FOXO3: variants seen among roughly 807,000 people sequenced by gnomAD.
FOXO3 encodes the protein forkhead box O3.
FOXO3 carries 4 observed loss-of-function variants against 41.9 expected under a neutral mutation model. The observed-to-expected ratio is 0.10, with a 90% CI of 0.05 to 0.22. FOXO3 has a LOEUF of 0.22. Ranked by LOEUF, FOXO3 falls within the 10% of genes least tolerant of loss-of-function variation. The pLI is 1.00. For missense variants in FOXO3, 534 were observed against 906.8 expected, an observed-to-expected ratio of 0.59 and a Z score of 5.28; for synonymous variants, 318 against 389.3, an observed-to-expected ratio of 0.82 and a Z score of 2.16.
At chr6:108,679,570 C>T (rs1770766698) in intron 2 of FOXO3, among the ~76,000 whole-genome samples, 1 of 152,116 alleles carries the variant, frequency 6.6e-6, no homozygotes, top group East Asian at 1.9e-4. Flanking sequence ...AGTGAATGAT[C>T]CCATTCCCTT....
intron 1 of FOXO3, among the ~76,000 whole-genome samples, chr6:108,575,415 G>A (rs574416568): frequency 5.4e-5 from 8 of 149,312 alleles, no homozygotes; most frequent in South Asian, 2.1e-4. Context: ...AAACCTCGAT[G>A]TAAATTATTT....
intron 1 of FOXO3, among the ~76,000 whole-genome samples, chr6:108,643,102 T>C (rs1409410505): frequency 2.0e-5 from 3 of 152,380 alleles, no homozygotes; most frequent in South Asian, 2.1e-4. Context: ...GACTAAATCA[T>C]AAAATGTAAA....
At chr6:108,582,742 T>C (rs1776467046) in intron 1 of FOXO3, among the ~76,000 whole-genome samples, 1 of 152,086 alleles carries the variant, frequency 6.6e-6, no homozygotes, top group Non-Finnish European at 1.5e-5. Context: ...GAAAGCTGAC[T>C]CTGACCCAGG....
chr6:108,669,638 G>C (rs187387188), intron 2 of FOXO3, among the ~76,000 whole-genome samples: 2 of 152,148 alleles, frequency 1.3e-5, no homozygotes. Context: ...GAGAATGTTG[G>C]GATCTTTTTA....
chr6:108,671,479 T>C (rs904646332), intron 2 of FOXO3, among the ~76,000 whole-genome samples: 3 of 152,232 alleles, frequency 2.0e-5, no homozygotes, highest in Admixed American at 2.0e-4. Flanking sequence ...TTTTCATGGC[T>C]GTGTGTCCTG....
chr6:108,593,781 A>ATC (rs1776798482), intron 1 of FOXO3, among the ~76,000 whole-genome samples: 1 of 134,888 alleles, frequency 7.4e-6, no homozygotes, highest in Admixed American at 8.2e-5. Context: ...CAGTGGCTCA[A>ATC]TCTTGGCTCA....
chr6:108,605,730 C>G (rs980849499), intron 1 of FOXO3, among the ~76,000 whole-genome samples: 33 of 152,170 alleles, frequency 2.2e-4, no homozygotes, highest in African/African-American at 7.7e-4. Flanking sequence ...CAAGATGTTT[C>G]TTGTTTTGAT....
chr6:108,675,332 G>A (rs960128583), intron 2 of FOXO3, among the ~76,000 whole-genome samples: 23 of 152,252 alleles, frequency 1.5e-4, no homozygotes, highest in African/African-American at 5.5e-4. Context: ...TGGCTGGAAG[G>A]GCAGTCCACT....
intron 1 of FOXO3, among the ~76,000 whole-genome samples, chr6:108,585,677 T>C (rs1776561797): frequency 6.6e-6 from 1 of 152,214 alleles, no homozygotes; most frequent in Admixed American, 6.5e-5. Context: ...AATGTAGAGA[T>C]GCCTTTTACC....
chr6:108,643,417 G>A (rs974659827), intron 1 of FOXO3, among the ~76,000 whole-genome samples: 6 of 152,200 alleles, frequency 3.9e-5, no homozygotes, highest in Admixed American at 2.0e-4. Context: ...TTGAGGTCAC[G>A]TCAGAGAGGA....
intron 1 of FOXO3, chr6:108,639,714 A>G: frequency 4.1e-6 from 1 of 243,766 alleles, no homozygotes. Context: ...TTTTCTATTT[A>G]ATTTCAATAA....
chr6:108,560,133 C>G (rs1217865105), upstream of FOXO3: 1 of 152,452 alleles, frequency 6.6e-6, no homozygotes, highest in Admixed American at 6.5e-5. Flanking sequence ...CGCCCCCCTT[C>G]TCGCCCGCTA....
intron 1 of FOXO3, among the ~76,000 whole-genome samples, chr6:108,629,001 C>T (rs914301376): frequency 6.6e-6 from 1 of 152,154 alleles, no homozygotes; most frequent in Non-Finnish European, 1.5e-5. Flanking sequence ...CTAGGGAAAC[C>T]TCCTTAGGAG....
chr6:108,591,636 G>A (rs1776734847), intron 1 of FOXO3, among the ~76,000 whole-genome samples: 1 of 152,180 alleles, frequency 6.6e-6, no homozygotes, highest in African/African-American at 2.4e-5. Context: ...TCAGCAGCTT[G>A]AAATAACATC....
intron 1 of FOXO3, among the ~76,000 whole-genome samples, chr6:108,590,487 A>G (rs1776705489): frequency 6.6e-6 from 1 of 152,256 alleles, no homozygotes; most frequent in South Asian, 2.1e-4. Context: ...AAATGAAATT[A>G]TCTTCAGGCT....
intron 1 of FOXO3, among the ~76,000 whole-genome samples, chr6:108,606,169 G>T (rs575584931): frequency 2.6e-5 from 4 of 152,214 alleles, no homozygotes; most frequent in Non-Finnish European, 5.9e-5. Flanking sequence ...TGTACAGTAT[G>T]CTGGGAGACT....
rs144538074 is a variant in FOXO3, at chr6:108,586,465, GTATC to G, written c.621+24640_621+24643del. Among the ~76,000 whole-genome samples the G allele has an allele frequency of 6.8e-3, 1,029 of 152,232 alleles. 18 individuals carry two copies. The highest frequency in any genetic ancestry group is 0.055 in the South Asian group (264 of 4,814). On this transcript the variant is annotated intron_variant, in intron 1 of 2. Coordinates refer to ENST00000406360, the MANE Select transcript of FOXO3 (RefSeq NM_001455.4). Reference sequence around the variant, plus strand: ...GTTTCAGTGTACCTTCCTCAGTGATGTATCTATGTTCATCTATCTGGCCTTGTGA... The same window carrying G: ...GTTTCAGTGTACCTTCCTCAGTGATGTATGTTCATCTATCTGGCCTTGTGA...
chr6:108,581,578 A>G (rs535235500), intron 1 of FOXO3, among the ~76,000 whole-genome samples: 5 of 152,186 alleles, frequency 3.3e-5, no homozygotes, highest in Non-Finnish European at 5.9e-5. Context: ...CCATTGAGAC[A>G]CTTTGGGGAG....
At chr6:108,585,595 C>T (rs1385587117) in intron 1 of FOXO3, among the ~76,000 whole-genome samples, 1 of 152,206 alleles carries the variant, frequency 6.6e-6, no homozygotes, top group Admixed American at 6.5e-5. Context: ...CTCAGCGCTT[C>T]AGCAGAACAG....
Sources: gnomAD v4.1 joint callset for allele counts (sites outside exome capture counted in the v4.1 genomes callset) on GRCh38, gnomAD v4.1.1 for gene constraint, MANE v1.5 for transcripts, NCBI Gene and HGNC (gene_info 2026-07-23, HGNC 2026-07-21) for gene names.